Variants in TTN observed in about 807,000 individuals in gnomAD.
TTN encodes the protein titin.
TTN carries 1,525 observed loss-of-function variants against 3,223.0 expected under a neutral mutation model. That is an observed-to-expected ratio of 0.47 (90% CI 0.45 to 0.49). The LOEUF is 0.49. Among genes scored for constraint, TTN ranks in the 20% least tolerant of loss-of-function variants. TTN has a pLI of 0.00. For synonymous variants in TTN, 14,094 were observed against 15,161.0 expected (o/e 0.93, Z 5.17); for missense variants, 40,786 against 43,424.0 (o/e 0.94, Z 5.40).
chr2:178,618,995 T>G, intron 250 of TTN, 142 bp from the exon 251 acceptor site: 1 of 1,139,794 alleles, frequency 8.8e-7, no homozygotes, highest in Non-Finnish European at 1.2e-6. Context: ...GAAAACTAAG[T>G]GGCTTAGAGT....
At chr2:178,690,636 A>C (rs781386065) in intron 121 of TTN, among the ~76,000 whole-genome samples, 5 of 152,166 alleles carry the variant, frequency 3.3e-5, no homozygotes, top group Non-Finnish European at 7.4e-5. Context: ...TTTTAACAGC[A>C]TGCATTATTG....
rs1273267810 is a variant in TTN, at chr2:178,556,463, A to AACAAAC, written c.88306+384_88306+385insGTTTGT. On this transcript the variant is annotated intron_variant, in intron 330 of 362. Coordinates refer to ENST00000589042, the MANE Select transcript of TTN (RefSeq NM_001267550.2). ...ACAAACAAACAAACAAACAAAAAAAAAAAAACCAAAAAATGAAGTCTCTGT... is the reference window on the plus strand; with the variant it reads ...ACAAACAAACAAACAAACAAAAAAAAACAAACAAAAACCAAAAAATGAAGTCTCTGT... 82 of 218,514 alleles carry AACAAAC rather than the reference A, an allele frequency of 3.8e-4. No individual in the cohort carries two copies. In the East Asian group the frequency reaches 0.012, roughly 32 times the overall value. 13.5% of individuals were successfully genotyped at this position (218,514 alleles called of 1,614,324 possible). A position where few individuals can be genotyped will look rare whatever the true frequency, so the allele number is the denominator to read the frequency against.
intron 261 of TTN, 52 bp from the exon 262 acceptor site, chr2:178,614,400 A>C (rs139962165): frequency 2.9e-5 from 46 of 1,575,972 alleles, no homozygotes; most frequent in Non-Finnish European, 3.9e-5. Flanking sequence ...CATTTTTTTT[A>C]TTTTTTTCTT....
chr2:178,794,350 C>A (rs746317761), intron 8 of TTN, 49 bp downstream of exon 8: 1 of 1,612,336 alleles, frequency 6.2e-7, no homozygotes, highest in Non-Finnish European at 8.5e-7. Context: ...AGTTAATGTG[C>A]ACTGAAGGAC....
chr2:178,551,532 G>A, intron 335 of TTN, 98 bp downstream of exon 335: 6 of 1,058,326 alleles, frequency 5.7e-6, no homozygotes, highest in Non-Finnish European at 8.0e-6. Flanking sequence ...AAGAAGATAT[G>A]TAAGAAGGTG....
At position 178,536,533 on chromosome 2, in the gene TTN, G is replaced by A; in HGVS notation, c.100214C>T (p.Thr33405Ile). ...APGKPTITAV[T>I]KDSCVVAWKP... ...CCAGGCCACAACACAAGAATCTTTT[G>A]TGACAGCAGTAATAGTTGGTTTGCC... The change falls in exon 357 of 363, where the codon ACA (threonine) becomes ATA (isoleucine). Residue 33405 changes from threonine (T) to isoleucine (I), a missense_variant. By Grantham distance (89) the Thr-to-Ile change is moderately conservative. Transcript: ENST00000589042. The A allele has an allele frequency of 6.6e-7, 1 of 1,524,950 alleles. No homozygotes were observed. The highest frequency in any genetic ancestry group is 1.3e-5 in the South Asian group (1 of 74,192). 94.5% of individuals were successfully genotyped at this position (1,524,950 alleles called of 1,614,324 possible). A position where few individuals can be genotyped will look rare whatever the true frequency, so the allele number is the denominator to read the frequency against.
intron 89 of TTN, 42 bp from the exon 90 acceptor site, chr2:178,715,306 T>C (rs776609254): frequency 1.2e-5 from 19 of 1,544,754 alleles, no homozygotes; most frequent in Admixed American, 2.1e-5. Flanking sequence ...ATTCTGTAAG[T>C]ATATAGTTAA....
rs1049715521 is a variant in TTN, at chr2:178,595,539, G to A, written c.57815C>T (p.Thr19272Ile). Residue 19272 changes from threonine to isoleucine, a missense_variant, in exon 295 of 363, where the codon ACA (threonine) becomes ATA (isoleucine). Transcript: ENST00000589042. The stretch of plus-strand genomic sequence containing the variant: ...CTCTCTGATAACAAGTGCCTCTGAT[G>A]TCTCAACAAATGGACCCATGCCAAT... ...NSIGMGPFVETSEALVIREPI... is the reference protein window; with the variant it reads ...NSIGMGPFVEISEALVIREPI... 8 of 1,563,358 alleles carry A rather than the reference G, an allele frequency of 5.1e-6. No homozygotes were observed. Among genetic ancestry groups the A allele is most frequent in the South Asian group, 1.2e-5 (1 of 84,914 alleles).
At position 178,608,703 on chromosome 2, in the gene TTN, A is replaced by G; in HGVS notation, c.52308T>C (p.Ile17436=). 1 of 1,612,518 alleles carries G rather than the reference A, an allele frequency of 6.2e-7. No individual in the cohort carries two copies. Among genetic ancestry groups the G allele is most frequent in the Non-Finnish European group, 8.5e-7 (1 of 1,179,176 alleles). Residue 17436 remains isoleucine, a synonymous_variant, in exon 274 of 363, where the codon ATT becomes ATC. Transcript: ENST00000589042. ...CACGGAAGAGGTACTCTTTTCCTTC[A>G]ATCAGTTTTGTTACTGAATATTTGC... The part of the protein sequence containing the change: ...RHCKYSVTKL[I]EGKEYLFRVR...
intron 45 of TTN, among the ~76,000 whole-genome samples, chr2:178,757,017 C>T (rs554867235): frequency 6.6e-6 from 1 of 152,054 alleles, no homozygotes; most frequent in Non-Finnish European, 1.5e-5. Flanking sequence ...AAGACTCATG[C>T]AGATGCCATG....
Position 178,640,067 on chromosome 2 carries a change from C to T in TTN, c.40767G>A (p.Pro13589=), listed in dbSNP as rs533071976. Residue 13589 remains proline, a synonymous_variant, in exon 222 of 363, where the codon CCG becomes CCA. Coordinates refer to ENST00000589042, the MANE Select transcript of TTN (RefSeq NM_001267550.2). The part of the protein sequence containing the change: ...KPAIPLPAPE[P]KPKPEAEVKT... The stretch of plus-strand genomic sequence containing the variant: ...GCTCACCTGCTTCGGGCTTTGGTTT[C>T]GGTTCAGGTGCAGGGAGAGGTATTG... The T allele has an allele frequency of 1.4e-5, 22 of 1,612,010 alleles. No individual in the cohort carries two copies. The highest frequency in any genetic ancestry group is 5.5e-5 in the South Asian group (5 of 90,956).
Position 178,588,026 on chromosome 2 carries a change from G to C in TTN, c.63381C>G (p.Arg21127=). 6.2e-7 allele frequency: 1 copy of C among 1,612,924 alleles called. No homozygotes were observed. Among genetic ancestry groups the C allele is most frequent in the Non-Finnish European group, 8.5e-7 (1 of 1,179,358 alleles). Residue 21127 remains arginine (R), a synonymous_variant, in exon 305 of 363, where the codon CGC becomes CGG. Coordinates refer to ENST00000589042, the MANE Select transcript of TTN (RefSeq NM_001267550.2). ...KRCNAAAQLV[R]KEFTVTSLDE... is the part of the protein sequence containing the mutation. ...CCAAGCTGGTAACAGTGAATTCCTTGCGTACAAGCTGTGCTGCAGCATTAC... is the reference window on the plus strand; with the variant it reads ...CCAAGCTGGTAACAGTGAATTCCTTCCGTACAAGCTGTGCTGCAGCATTAC...
Position 178,617,764 on chromosome 2 carries a change from T to G in TTN, c.47572+15A>C. 1 of 1,611,110 alleles carries G rather than the reference T, an allele frequency of 6.2e-7. No homozygotes were observed. The highest frequency in any genetic ancestry group is 2.2e-5 in the East Asian group (1 of 44,602). On this transcript the variant is annotated intron_variant, in intron 253 of 362. Coordinates refer to ENST00000589042, the MANE Select transcript of TTN (RefSeq NM_001267550.2). ...ATTTCATGCAGTAATTATTTCCCTT[T>G]TTTGATGGGCTTACCAATTGGATCA...
chr2:178,769,889 T>C lies in TTN; in HGVS notation c.8692A>G (p.Thr2898Ala). Residue 2898 changes from threonine to alanine, a missense_variant, in exon 37 of 363, where the codon ACT (threonine) becomes GCT (alanine). Thr to Ala is a moderately conservative substitution (Grantham distance 58). Transcript: ENST00000589042. Reference protein sequence around the residue: ...MKNIEVPETKTASFECEVSHF... With the variant: ...MKNIEVPETKAASFECEVSHF... ...GACACCTCACACTCAAAAGAGGCAG[T>C]TTTGGTCTCAGGCACCTCGATATTT... 6.2e-7 allele frequency: 1 copy of C among 1,614,080 alleles called. No individual in the cohort carries two copies. The highest frequency in any genetic ancestry group is 8.5e-7 in the Non-Finnish European group (1 of 1,179,988).
Position 178,732,551 on chromosome 2 carries a change from C to G in TTN, c.16510G>C (p.Glu5504Gln). ...ACTAAATAGAGTTCCAGGGAACTCT[C>G]TAAAGCTTCTTTGGTAATATAGCAG... Reference protein sequence around the residue: ...GSCYITKEALESSLELYLVKT... With the variant: ...GSCYITKEALQSSLELYLVKT... The change falls in exon 56 of 363, where the codon GAG becomes CAG. Residue 5504 changes from glutamate to glutamine, a missense_variant. Glu to Gln is a conservative substitution (Grantham distance 29, BLOSUM62 2). Coordinates refer to ENST00000589042, the MANE Select transcript of TTN (RefSeq NM_001267550.2). 1 of 1,613,678 alleles carries G rather than the reference C, an allele frequency of 6.2e-7. No individual in the cohort carries two copies. Among genetic ancestry groups the G allele is most frequent in the Non-Finnish European group, 8.5e-7 (1 of 1,179,730 alleles).
At chr2:178,600,146 G>A (rs1469949191) in intron 288 of TTN, among the ~76,000 whole-genome samples, 2 of 151,880 alleles carry the variant, frequency 1.3e-5, no homozygotes, top group East Asian at 1.9e-4. Context: ...CCTGACAAAA[G>A]GGAAGAGAGG....
At chr2:178,601,966 T>A in intron 284 of TTN, 36 bp downstream of exon 284, 1 of 1,612,666 alleles carries the variant, frequency 6.2e-7, no homozygotes, top group Non-Finnish European at 8.5e-7. Context: ...TTATAGTGAT[T>A]CAGTGGAAAA....
chr2:178,714,916 G>A (rs761980253), intron 90 of TTN, 70 bp downstream of exon 90: 2 of 1,535,998 alleles, frequency 1.3e-6, no homozygotes, highest in Middle Eastern at 1.8e-4. Context: ...CTGGGCTGGG[G>A]TGGAGGGGGC....
Position 178,776,095 on chromosome 2 carries a change from A to T in TTN, c.5769T>A (p.His1923Gln). The change falls in exon 28 of 363, where the codon CAT becomes CAA. Residue 1923 changes from histidine (H) to glutamine (Q), a missense_variant. Physicochemically the swap from His to Gln is conservative, Grantham distance 24 (BLOSUM62 0). Coordinates refer to ENST00000589042, the MANE Select transcript of TTN (RefSeq NM_001267550.2). ...TAENPEGVIE[H>Q]KVKLEIQQRE... ...TCTGTTGAATCTCAAGCTTCACTTT[A>T]TGCTCTATCACACCTTCAGGATTTT... is the stretch of plus-strand genomic sequence containing the variant. 1.2e-6 allele frequency: 2 copies of T among 1,614,162 alleles called. No homozygotes were observed. Among genetic ancestry groups the T allele is most frequent in the Non-Finnish European group, 1.7e-6 (2 of 1,180,006 alleles).
Sources: gnomAD v4.1 joint callset for allele counts (sites outside exome capture counted in the v4.1 genomes callset) on GRCh38, gnomAD v4.1.1 for gene constraint, MANE v1.5 for transcripts, NCBI Gene and HGNC (gene_info 2026-07-23, HGNC 2026-07-21) for gene names.